The following PDE4D variants were observed in gnomAD, a reference collection of about 807,000 sequenced individuals.
The protein encoded by PDE4D is 3',5'-cyclic-AMP phosphodiesterase 4D.
In PDE4D, 24 loss-of-function variants were observed where a neutral mutation model predicts 87.4. That is an observed-to-expected ratio of 0.27 (90% CI 0.20 to 0.39). PDE4D has a LOEUF of 0.39. Ranked by LOEUF, PDE4D falls within the 10% of genes least tolerant of loss-of-function variation. PDE4D has a pLI of 1.00. For missense variants in PDE4D, 714 were observed against 1,041.0 expected (o/e 0.69, Z 4.32); for synonymous variants, 384 against 383.2 (o/e 1.00, Z -0.02).
chr5:60,167,863 CAT>C (rs1434737162), intron 2 of PDE4D, among the ~76,000 whole-genome samples: 5 of 152,162 alleles, frequency 3.3e-5, no homozygotes, highest in African/African-American at 1.2e-4. Context: ...TTGGTGTCAT[CAT>C]GTTTCCCTGA....
At chr5:59,241,647 G>C (rs1386020581) in intron 1 of PDE4D, among the ~76,000 whole-genome samples, 1 of 152,246 alleles carries the variant, frequency 6.6e-6, no homozygotes, top group East Asian at 1.9e-4. Flanking sequence ...CACAGCTCTG[G>C]GAGAAATTCC....
At position 59,592,106 on chromosome 5, in the gene PDE4D, A is replaced by G. The variant is rs76795169; in HGVS notation, c.455+301062T>C. ...CCCCACCTCCCAGCAAGAAAAGAAC[A>G]TTCAAGACCAAATTCTCTATCTCAC... is the stretch of plus-strand genomic sequence containing the variant. On this transcript the variant is annotated intron_variant, in intron 1 of 14. Transcript: ENST00000340635. The G allele has an allele frequency of 1.7e-5, 17 of 984,682 alleles. No individual in the cohort carries two copies. In the East Asian group the frequency reaches 1.1e-3, roughly 66 times the overall value. The allele number at this position is 984,682 out of a possible 1,614,324, so 61.0% of individuals were successfully genotyped here.
At chr5:59,333,743 G>T (rs1189621197) in intron 1 of PDE4D, among the ~76,000 whole-genome samples, 1 of 152,036 alleles carries the variant, frequency 6.6e-6, no homozygotes, top group East Asian at 1.9e-4. Flanking sequence ...GACTCCTTGG[G>T]GAGTTTTTCT....
chr5:60,343,200 C>T (rs992018282), intron 1 of PDE4D, among the ~76,000 whole-genome samples: 9 of 152,234 alleles, frequency 5.9e-5, no homozygotes, highest in Middle Eastern at 3.4e-3. Flanking sequence ...TAGAACATTG[C>T]GTGGCTCAGT....
At chr5:59,170,587 T>C (rs1326903847) in intron 5 of PDE4D, among the ~76,000 whole-genome samples, 2 of 152,332 alleles carry the variant, frequency 1.3e-5, no homozygotes, top group East Asian at 3.9e-4. Context: ...CTACCTTTGC[T>C]AACTACTGGT....
intron 2 of PDE4D, among the ~76,000 whole-genome samples, chr5:60,100,614 G>A (rs1265745509): frequency 6.6e-6 from 1 of 152,042 alleles, no homozygotes; most frequent in African/African-American, 2.4e-5. Context: ...AAGAATACCT[G>A]AGACTCCTAT....
At chr5:59,327,048 C>T (rs1156898755) in intron 1 of PDE4D, among the ~76,000 whole-genome samples, 3 of 151,494 alleles carry the variant, frequency 2.0e-5, no homozygotes. Context: ...ATTCTTTATT[C>T]TTGGCAACTC....
At chr5:59,712,852 A>C (rs1320376858) in intron 1 of PDE4D, among the ~76,000 whole-genome samples, 2 of 152,170 alleles carry the variant, frequency 1.3e-5, no homozygotes, top group Admixed American at 6.5e-5. Context: ...CATATCTCAC[A>C]TTTAAAGTTA....
chr5:60,066,003 T>A (rs1284965002), intron 2 of PDE4D, among the ~76,000 whole-genome samples: 2 of 152,210 alleles, frequency 1.3e-5, no homozygotes, highest in African/African-American at 4.8e-5. Flanking sequence ...CCCTGAGGAA[T>A]CACCACACTG....
At position 60,418,508 on chromosome 5, in the gene PDE4D, G is replaced by A. The variant is rs150589160; in HGVS notation, c.-90+69434C>T. On this transcript the variant is annotated intron_variant, in intron 1 of 16. Coordinates refer to the PDE4D transcript ENST00000502484. ...CTTATCTTATTTGTTTTTTTGTTTT[G>A]TTTTTTATCCTTCTATAGACTATTT... Among the ~76,000 whole-genome samples, 53 of 151,610 alleles carry A rather than the reference G, an allele frequency of 3.5e-4. No homozygotes were observed. The East Asian group carries it at 9.5e-3, about 27-fold the overall frequency.
intron 1 of PDE4D, among the ~76,000 whole-genome samples, chr5:60,443,422 G>A (rs1263151355): frequency 3.3e-5 from 5 of 152,174 alleles, no homozygotes; most frequent in Admixed American, 3.3e-4. Context: ...TGGACAATGA[G>A]AGATTAAAAG....
At chr5:60,501,361 T>C (rs1463810348) in intron 1 of PDE4D, among the ~76,000 whole-genome samples, 3 of 151,916 alleles carry the variant, frequency 2.0e-5, no homozygotes, top group Admixed American at 6.6e-5. Context: ...TAGTATTCCA[T>C]GGTGTATATG....
chr5:60,467,313 C>T (rs1747439132), intron 1 of PDE4D, among the ~76,000 whole-genome samples: 1 of 152,206 alleles, frequency 6.6e-6, no homozygotes, highest in African/African-American at 2.4e-5. Context: ...GCTGGGATTA[C>T]AGGCATGAGC....
chr5:59,264,423 C>T (rs1280211158), intron 1 of PDE4D, among the ~76,000 whole-genome samples: 3 of 152,032 alleles, frequency 2.0e-5, no homozygotes, highest in Non-Finnish European at 1.5e-5. Flanking sequence ...AATTTCATTC[C>T]TATGTACGTA....
chr5:59,540,003 G>T (rs1314957757), intron 1 of PDE4D, among the ~76,000 whole-genome samples: 1 of 152,116 alleles, frequency 6.6e-6, no homozygotes, highest in Non-Finnish European at 1.5e-5. Context: ...GAGTGTCCTG[G>T]AGGTCTTTGT....
intron 2 of PDE4D, among the ~76,000 whole-genome samples, chr5:60,075,863 T>A (rs1166396677): frequency 6.6e-6 from 1 of 152,210 alleles, no homozygotes; most frequent in African/African-American, 2.4e-5. Context: ...TCTATCAGGT[T>A]GGTTACACTC....
chr5:59,301,056 G>C (rs939354097), intron 1 of PDE4D, among the ~76,000 whole-genome samples: 2 of 152,172 alleles, frequency 1.3e-5, no homozygotes, highest in Admixed American at 1.3e-4. Flanking sequence ...CAACCTCCAT[G>C]AAAGTCCAAG....
At chr5:60,358,294 G>A (rs547813875) in intron 1 of PDE4D, among the ~76,000 whole-genome samples, 3 of 152,076 alleles carry the variant, frequency 2.0e-5, no homozygotes, top group Admixed American at 2.0e-4. Flanking sequence ...TGATTCCCAG[G>A]GAATGAGATA....
intron 1 of PDE4D, among the ~76,000 whole-genome samples, chr5:59,387,549 C>T (rs1272103309): frequency 1.3e-5 from 2 of 151,974 alleles, no homozygotes; most frequent in African/African-American, 2.4e-5. Context: ...ATTGTATTTC[C>T]ATAGTTAGGG....
Sources: allele counts gnomAD v4.1 joint callset (sites outside exome capture counted in the v4.1 genomes callset), GRCh38; gene constraint gnomAD v4.1.1; transcripts MANE v1.5; gene names NCBI Gene and HGNC (gene_info 2026-07-23, HGNC 2026-07-21).